The following ADAMTS14 variants were observed in gnomAD, a reference collection of about 807,000 sequenced individuals.
ADAMTS14 encodes the protein ADAM metallopeptidase with thrombospondin type 1 motif 14.
In ADAMTS14, 100 loss-of-function variants were observed where a neutral mutation model predicts 128.6. That is an observed-to-expected ratio of 0.78 (90% CI 0.66 to 0.92). ADAMTS14 has a LOEUF of 0.92. Among genes scored for constraint, ADAMTS14 ranks in the 40% least tolerant of loss-of-function variants. ADAMTS14 has a pLI of 0.00. For missense variants in ADAMTS14, 1,562 were observed against 1,658.6 expected (o/e 0.94, Z 1.01); for synonymous variants, 665 against 653.8 (o/e 1.02, Z -0.26).
chr10:70,749,960 C>A lies in ADAMTS14; in HGVS notation c.2402C>A (p.Pro801His). 6.2e-7 allele frequency: 1 copy of A among 1,614,046 alleles called. No individual in the cohort carries two copies. Among genetic ancestry groups the A allele is most frequent in the South Asian group, 1.1e-5 (1 of 91,070 alleles). ...AAGGAAAGCCTCAAGACCAGCGGGC[C>A]CCTGCCTGAAGCCATTGCCATCCTG... ...DAKESLKTSG[P>H]LPEAIAILAL... The change falls in exon 16 of 22, where the codon CCC (proline) becomes CAC (histidine). Residue 801 changes from proline (P) to histidine (H), a missense_variant. Pro to His is a moderately conservative substitution (Grantham distance 77, BLOSUM62 -2). Coordinates refer to ENST00000373207, the MANE Select transcript of ADAMTS14 (RefSeq NM_080722.4).
chr10:70,761,018 G>T lies in ADAMTS14; in HGVS notation c.*165G>T. 3 of 1,076,410 alleles carry T rather than the reference G, an allele frequency of 2.8e-6. No individual in the cohort carries two copies. Among genetic ancestry groups the T allele is most frequent in the Non-Finnish European group, 3.8e-6 (3 of 791,320 alleles). The allele number at this position is 1,076,410 out of a possible 1,614,324, so 66.7% of individuals were successfully genotyped here. On this transcript the variant is annotated 3_prime_UTR_variant, in exon 22 of 22. Transcript: ENST00000373207. ...TGATGCTCTTTACCCCACAAAGCGG[G>T]GTGGGAGGAAGACAAAGATCAGGGA...
At chr10:70,753,024 A>T (rs1292814986) in intron 18 of ADAMTS14, among the ~76,000 whole-genome samples, 1 of 152,260 alleles carries the variant, frequency 6.6e-6, no homozygotes, top group Non-Finnish European at 1.5e-5. Flanking sequence ...CTGTAATCAC[A>T]GAACATGCAG....
chr10:70,697,669 G>T (rs1358064308), intron 2 of ADAMTS14, among the ~76,000 whole-genome samples: 2 of 152,218 alleles, frequency 1.3e-5, no homozygotes, highest in East Asian at 3.8e-4. Context: ...CGCTGCACTT[G>T]CTCAGTTGTG....
chr10:70,694,942 A>AAAACG (rs1232250867), intron 2 of ADAMTS14, among the ~76,000 whole-genome samples: 1 of 152,088 alleles, frequency 6.6e-6, no homozygotes, highest in Non-Finnish European at 1.5e-5. Flanking sequence ...TCATTGGAGG[A>AAAACG]GTATTGCCAG....
chr10:70,751,604 G>A lies in ADAMTS14; in HGVS notation c.2554G>A (p.Ala852Thr), dbSNP rs1472275368. The A allele has an allele frequency of 1.9e-6, 3 of 1,612,730 alleles. No individual in the cohort carries two copies. The highest frequency in any genetic ancestry group is 1.3e-5 in the African/African-American group (1 of 74,898). ...GGAGGAGATGGACACCTATGAGTGG[G>A]CGCTCAAGAGCTGGGCCCCCTGCAG... ...LLEEMDTYEW[A>T]LKSWAPCSKA... Residue 852 changes from alanine (A) to threonine (T), a missense_variant, in exon 17 of 22, where the codon GCG (alanine) becomes ACG (threonine). Ala to Thr is a moderately conservative substitution (Grantham distance 58). Transcript: ENST00000373207.
chr10:70,738,724 T>C, intron 10 of ADAMTS14, 118 bp from the exon 11 acceptor site: 1 of 1,396,174 alleles, frequency 7.2e-7, no homozygotes, highest in Non-Finnish European at 9.8e-7. Flanking sequence ...CAGCTCATGC[T>C]AGGGGTGGGA....
At chr10:70,679,183 G>A (rs1589255371) in intron 2 of ADAMTS14, among the ~76,000 whole-genome samples, 1 of 152,210 alleles carries the variant, frequency 6.6e-6, no homozygotes, top group Admixed American at 6.5e-5. Context: ...AATTGCTCAA[G>A]ACTGTTCAGA....
rs1842624862 is a variant in ADAMTS14 at position 70,762,122 on chromosome 10, G to C, written c.*1269G>C. ...GCAGGGGGTCCCAGGACACCTCCGG[G>C]GTCTTGGAGGATGTCTCCTAAACTC... On this transcript the variant is annotated 3_prime_UTR_variant, in exon 22 of 22. Coordinates refer to ENST00000373207, the MANE Select transcript of ADAMTS14 (RefSeq NM_080722.4). 6.6e-6 allele frequency: 1 copy of C among 152,380 alleles called. No individual in the cohort carries two copies. Among genetic ancestry groups the C allele is most frequent in the African/African-American group, 2.4e-5 (1 of 41,368 alleles). 9.4% of individuals were successfully genotyped at this position (152,380 alleles called of 1,614,324 possible).
Position 70,744,106 on chromosome 10 carries a change from A to G in ADAMTS14, c.2099A>G (p.Asp700Gly), listed in dbSNP as rs1589328251. 6.4e-7 allele frequency: 1 copy of G among 1,566,040 alleles called. No individual in the cohort carries two copies. Among genetic ancestry groups the G allele is most frequent in the South Asian group, 1.2e-5 (1 of 84,862 alleles). ...CDKEVGSMKA[D>G]DKCGVCGGDN... ...AAGGAGGTGGGGTCCATGAAGGCGG[A>G]TGACAAGTGTGGAGTCTGCGGGGGT... The change falls in exon 14 of 22, where the codon GAT (aspartate) becomes GGT (glycine). Residue 700 changes from aspartate (D) to glycine (G), a missense_variant. By Grantham distance (94) the Asp-to-Gly change is moderately conservative. Coordinates refer to ENST00000373207, the MANE Select transcript of ADAMTS14 (RefSeq NM_080722.4).
chr10:70,738,541 G>A lies in ADAMTS14; in HGVS notation c.1600-301G>A, dbSNP rs79999320. Reference sequence around the variant, plus strand: ...CCCCTATCAGCCTTTTATTACTCCCGGGTGTGCCGATAATTGCACATTTAT... The same window carrying A: ...CCCCTATCAGCCTTTTATTACTCCCAGGTGTGCCGATAATTGCACATTTAT... On this transcript the variant is annotated intron_variant, in intron 10 of 21. Transcript: ENST00000373207. 0.056 allele frequency among the ~76,000 whole-genome samples: 8,504 copies of A among 152,240 alleles called. 355 individuals carry two copies. The highest frequency in any genetic ancestry group is 0.085 in the Non-Finnish European group (5,756 of 68,008).
At chr10:70,684,030 G>T (rs1398103917) in intron 2 of ADAMTS14, among the ~76,000 whole-genome samples, 2 of 152,056 alleles carry the variant, frequency 1.3e-5, no homozygotes, top group African/African-American at 4.8e-5. Context: ...AGTTCTGCAG[G>T]TTGTACAGGA....
chr10:70,738,837 C>A lies in ADAMTS14; in HGVS notation c.1600-5C>A, dbSNP rs1841906986. 6.2e-7 allele frequency: 1 copy of A among 1,613,834 alleles called. No individual in the cohort carries two copies. The highest frequency in any genetic ancestry group is 8.5e-7 in the Non-Finnish European group (1 of 1,180,022). Reference sequence around the variant, plus strand: ...GGTGACCTCATGCCCTCTGCTCTGCCCCAGTGGTGCTTCAAAGGTCACTGC... The same window carrying A: ...GGTGACCTCATGCCCTCTGCTCTGCACCAGTGGTGCTTCAAAGGTCACTGC... On this transcript the variant is annotated splice_region_variant and splice_polypyrimidine_tract_variant and intron_variant, in intron 10 of 21. Coordinates refer to ENST00000373207, the MANE Select transcript of ADAMTS14 (RefSeq NM_080722.4).
intron 4 of ADAMTS14, among the ~76,000 whole-genome samples, chr10:70,712,797 G>A (rs916067554): frequency 6.6e-6 from 1 of 152,224 alleles, no homozygotes; most frequent in Non-Finnish European, 1.5e-5. Context: ...TCTCTGGTTT[G>A]AGGCCTGACC....
At chr10:70,748,058 T>C (rs1399226106) in intron 15 of ADAMTS14, among the ~76,000 whole-genome samples, 1 of 151,854 alleles carries the variant, frequency 6.6e-6, no homozygotes, top group African/African-American at 2.4e-5. Context: ...GGAGAACTCA[T>C]GCTGTTAATA....
In ADAMTS14 at chr10:70,732,253, G is replaced by A; in HGVS notation, c.1103-1G>A. The A allele has an allele frequency of 1.2e-6, 2 of 1,614,054 alleles. No individual in the cohort carries two copies. The highest frequency in any genetic ancestry group is 1.7e-6 in the Non-Finnish European group (2 of 1,179,896). Reference sequence around the variant, plus strand: ...CCACCTTTTCTTTCTCTCTTCGGCAGGGTATGCACCCGTCACTGGCATGTG... The same window carrying A: ...CCACCTTTTCTTTCTCTCTTCGGCAAGGTATGCACCCGTCACTGGCATGTG... On this transcript the variant is annotated splice_acceptor_variant, in intron 6 of 21. Coordinates refer to ENST00000373207, the MANE Select transcript of ADAMTS14 (RefSeq NM_080722.4). LOFTEE classifies it high-confidence loss of function.
At position 70,745,258 on chromosome 10, in the gene ADAMTS14, G is replaced by T. The variant is rs142079052; in HGVS notation, c.2215G>T (p.Ala739Ser). Residue 739 changes from alanine (A) to serine (S), a missense_variant, in exon 15 of 22, where the codon GCC (alanine) becomes TCC (serine). Ala to Ser is a moderately conservative substitution (Grantham distance 99, BLOSUM62 1). Transcript: ENST00000373207. ...CAAGCTGGTGCAGATCCCAGCAGGTGCCAGGCACATCCAGATTGAGGCACT... is the reference window on the plus strand; with the variant it reads ...CAAGCTGGTGCAGATCCCAGCAGGTTCCAGGCACATCCAGATTGAGGCACT... Reference protein sequence around the residue: ...ALKLVQIPAGARHIQIEALEK... With the variant: ...ALKLVQIPAGSRHIQIEALEK... 3.1e-6 allele frequency: 5 copies of T among 1,612,566 alleles called. No homozygotes were observed. The highest frequency in any genetic ancestry group is 3.4e-6 in the Non-Finnish European group (4 of 1,179,988).
intron 4 of ADAMTS14, among the ~76,000 whole-genome samples, chr10:70,712,122 C>T (rs1318278811): frequency 6.6e-6 from 1 of 152,112 alleles, no homozygotes; most frequent in Non-Finnish European, 1.5e-5. Context: ...CACTTGACCG[C>T]CCACCCAGAC....
At chr10:70,708,239 G>T (rs1051339447) in intron 3 of ADAMTS14, among the ~76,000 whole-genome samples, 2 of 152,084 alleles carry the variant, frequency 1.3e-5, no homozygotes, top group African/African-American at 4.8e-5. Context: ...ATAAAGGGTG[G>T]TTCATCTTCA....
chr10:70,698,497 G>C (rs1242814687), intron 2 of ADAMTS14, among the ~76,000 whole-genome samples: 1 of 152,132 alleles, frequency 6.6e-6, no homozygotes, highest in East Asian at 1.9e-4. Context: ...GAAGGAACTG[G>C]GCCCATCTTG....
Sources: gnomAD v4.1 joint callset for allele counts (sites outside exome capture counted in the v4.1 genomes callset) on GRCh38, gnomAD v4.1.1 for gene constraint, MANE v1.5 for transcripts, NCBI Gene and HGNC (gene_info 2026-07-23, HGNC 2026-07-21) for gene names.